ZNF385D: variants seen among roughly 807,000 people sequenced by gnomAD.
ZNF385D encodes the protein zinc finger protein 659.
In ZNF385D, 15 loss-of-function variants were observed where a neutral mutation model predicts 35.8. That is an observed-to-expected ratio of 0.42 (90% CI 0.28 to 0.64). The LOEUF (loss-of-function observed/expected upper bound fraction) is 0.64. ZNF385D is among the 30% of genes least tolerant of loss of function. The pLI, the probability that ZNF385D is intolerant of heterozygous loss-of-function variation, is 0.23. For missense variants in ZNF385D, 474 were observed against 494.6 expected, an observed-to-expected ratio of 0.96 and a Z score of 0.39; for synonymous variants, 212 against 186.8, an observed-to-expected ratio of 1.13 and a Z score of -1.10.
intron 2 of ZNF385D, among the ~76,000 whole-genome samples, chr3:21,621,565 G>GTGTGTGTGTA (rs2065007417): frequency 2.0e-5 from 3 of 149,528 alleles, no homozygotes; most frequent in Admixed American, 2.0e-4. Context: ...GTGTGTGTGT[G>GTGTGTGTGTA]TGTGTGTGTG....
intron 2 of ZNF385D, among the ~76,000 whole-genome samples, chr3:22,332,032 T>C (rs974889573): frequency 6.6e-6 from 1 of 152,178 alleles, no homozygotes; most frequent in Non-Finnish European, 1.5e-5. Flanking sequence ...TATAGAAGAA[T>C]AGTACAATAA....
At chr3:22,282,815 A>C (rs1198171224) in intron 2 of ZNF385D, among the ~76,000 whole-genome samples, 2 of 152,138 alleles carry the variant, frequency 1.3e-5, no homozygotes, top group Non-Finnish European at 2.9e-5. Context: ...TAGCATGATG[A>C]ATAGAATAGT....
At chr3:22,183,846 T>TA (rs1559435496) in intron 2 of ZNF385D, among the ~76,000 whole-genome samples, 3 of 152,198 alleles carry the variant, frequency 2.0e-5, no homozygotes, top group African/African-American at 7.2e-5. Context: ...GTTTTTTTTT[T>TA]AAATTTAGTT....
intron 3 of ZNF385D, among the ~76,000 whole-genome samples, chr3:22,015,042 T>G (rs1330182901): frequency 6.6e-6 from 1 of 152,118 alleles, no homozygotes; most frequent in Non-Finnish European, 1.5e-5. Context: ...CACTGTGTAA[T>G]TTCTTTTTTT....
At chr3:21,928,427 G>A (rs2125240816) in intron 3 of ZNF385D, among the ~76,000 whole-genome samples, 1 of 152,034 alleles carries the variant, frequency 6.6e-6, no homozygotes, top group African/African-American at 2.4e-5. Flanking sequence ...TGCAGGGAGG[G>A]AGAGAGGGAA....
intron 3 of ZNF385D, among the ~76,000 whole-genome samples, chr3:22,029,117 G>C (rs377187071): frequency 6.6e-6 from 1 of 152,114 alleles, no homozygotes; most frequent in South Asian, 2.1e-4. Context: ...GCTGCCACCA[G>C]GAGACACAAC....
At chr3:21,699,930 C>T (rs953442446) in intron 1 of ZNF385D, among the ~76,000 whole-genome samples, 1 of 144,694 alleles carries the variant, frequency 6.9e-6, no homozygotes, top group Non-Finnish European at 1.5e-5. Flanking sequence ...CTCCTAGGTT[C>T]GAGTGATTCT....
chr3:21,651,144 T>C (rs903556508), intron 2 of ZNF385D, among the ~76,000 whole-genome samples: 65 of 148,458 alleles, frequency 4.4e-4, no homozygotes, highest in African/African-American at 1.6e-3. Flanking sequence ...AAAAATCAGC[T>C]GGGTGTGGTG....
chr3:21,539,012 G>A lies in ZNF385D; in HGVS notation c.276+25562C>T, dbSNP rs2062107839. 6.6e-6 allele frequency among the ~76,000 whole-genome samples: 1 copy of A among 152,094 alleles called. No individual in the cohort carries two copies. The highest frequency in any genetic ancestry group is 2.1e-4 in the South Asian group (1 of 4,748). On this transcript the variant is annotated intron_variant, in intron 3 of 7. Coordinates refer to ENST00000281523, the MANE Select transcript of ZNF385D (RefSeq NM_024697.3). This position sits in a 1 kb window ranked among gnomAD's most constrained non-coding sequence, Gnocchi z 4.0. ...TGTGGGCTAAAATGACAAGTTCCTTGTGGTAAACCATTTGACTAGTCTCTC... is the reference window on the plus strand; with the variant it reads ...TGTGGGCTAAAATGACAAGTTCCTTATGGTAAACCATTTGACTAGTCTCTC...
intron 2 of ZNF385D, among the ~76,000 whole-genome samples, chr3:22,307,748 A>ATTT (rs1559510761): frequency 1.1e-3 from 72 of 63,770 alleles, no homozygotes; most frequent in African/African-American, 3.1e-3. Context: ...CTCTGTTTTA[A>ATTT]AAAAAAAAAA....
intron 3 of ZNF385D, among the ~76,000 whole-genome samples, chr3:21,531,516 T>C (rs1209525649): frequency 6.6e-6 from 1 of 152,188 alleles, no homozygotes; most frequent in African/African-American, 2.4e-5. Context: ...CAAGTTGTCC[T>C]TCAGTATTTG....
intron 3 of ZNF385D, among the ~76,000 whole-genome samples, chr3:22,164,597 G>T (rs1258590207): frequency 3.5e-5 from 5 of 144,452 alleles, no homozygotes; most frequent in African/African-American, 1.3e-4. Flanking sequence ...TCTACAATTT[G>T]CCCAAAGGGA....
At chr3:22,225,333 T>C (rs780867198) in intron 2 of ZNF385D, among the ~76,000 whole-genome samples, 6 of 152,258 alleles carry the variant, frequency 3.9e-5, no homozygotes, top group Admixed American at 6.5e-5. Context: ...AGGGCATGTG[T>C]TTCTTTGCCT....
intron 1 of ZNF385D, among the ~76,000 whole-genome samples, chr3:21,694,096 T>C (rs1308242895): frequency 2.9e-5 from 4 of 137,482 alleles, no homozygotes; most frequent in African/African-American, 1.1e-4. Flanking sequence ...CAGGCCGGAG[T>C]ACAGTGGCGC....
At chr3:21,659,242 T>C (rs897852885) in intron 2 of ZNF385D, among the ~76,000 whole-genome samples, 4 of 152,142 alleles carry the variant, frequency 2.6e-5, no homozygotes, top group Non-Finnish European at 5.9e-5. Context: ...TTGTTAATGT[T>C]ATGTTTTTAA....
intron 3 of ZNF385D, among the ~76,000 whole-genome samples, chr3:21,536,246 G>T (rs1034057280): frequency 2.0e-5 from 3 of 152,080 alleles, no homozygotes; most frequent in Non-Finnish European, 4.4e-5. Context: ...TATGCTTAGT[G>T]CTAAGATAGT....
At chr3:21,726,354 A>G (rs888154497) in intron 1 of ZNF385D, among the ~76,000 whole-genome samples, 1 of 152,200 alleles carries the variant, frequency 6.6e-6, no homozygotes, top group African/African-American at 2.4e-5. Flanking sequence ...AAAGAAATAA[A>G]GGATACTCAA....
In ZNF385D at chr3:21,702,810, C is replaced by T. The variant is rs183471231; in HGVS notation, c.23-37782G>A. Among the ~76,000 whole-genome samples the T allele has an allele frequency of 3.6e-3, 553 of 152,304 alleles. 4 individuals are homozygous for T. Among genetic ancestry groups the T allele is most frequent in the African/African-American group, 0.013 (528 of 41,562 alleles). On this transcript the variant is annotated intron_variant, in intron 1 of 7. Coordinates refer to ENST00000281523, the MANE Select transcript of ZNF385D (RefSeq NM_024697.3). ...AATGCCACCAGTTTCTTTGCTAAAA[C>T]ATAACGAGAGTCACCTTTGCTTCAG...
intron 2 of ZNF385D, among the ~76,000 whole-genome samples, chr3:22,195,795 GGATA>G (rs1352488327): frequency 3.3e-5 from 5 of 151,870 alleles, no homozygotes; most frequent in African/African-American, 9.7e-5. Context: ...ATGATAGACT[GGATA>G]AAGAAAATGT....
Sources: gnomAD v4.1 joint callset for allele counts (sites outside exome capture counted in the v4.1 genomes callset) on GRCh38, gnomAD v4.1.1 for gene constraint, Gnocchi (gnomAD v3.1) non-coding constraint, MANE v1.5 for transcripts, NCBI Gene and HGNC (gene_info 2026-07-23, HGNC 2026-07-21) for gene names.